The following TENM2 variants were observed in gnomAD, a reference collection of about 807,000 sequenced individuals.
The protein encoded by TENM2 is teneurin transmembrane protein 2.
A neutral mutation model predicts 245.2 loss-of-function variants in TENM2; 52 were observed. The ratio of observed to expected loss-of-function variants is 0.21; its 90% CI spans 0.17 to 0.27. TENM2 has a LOEUF of 0.27. Among genes scored for constraint, TENM2 ranks in the 10% least tolerant of loss-of-function variants. TENM2 has a pLI of 1.00. For missense variants in TENM2, 3,046 were observed against 3,666.8 expected (o/e 0.83, Z 4.37); for synonymous variants, 1,363 against 1,438.9 (o/e 0.95, Z 1.19).
rs575013539 is a variant in TENM2, at chr5:167,682,231, C to T, written c.503-193755C>T. 3.1e-4 allele frequency among the ~76,000 whole-genome samples: 47 copies of T among 151,556 alleles called. 1 individual carries two copies. In the South Asian group the frequency reaches 8.2e-3, roughly 26 times the overall value. On this transcript the variant is annotated intron_variant, in intron 2 of 28. Coordinates refer to ENST00000518659, the Ensembl canonical transcript of TENM2. The stretch of plus-strand genomic sequence containing the variant: ...AGGCTGGAGTGCGGTGGCATGATCT[C>T]GGCTCACTGCAACCTCCATCTCCCA...
intron 7 of TENM2, among the ~76,000 whole-genome samples, chr5:168,066,007 G>T (rs1041218992): frequency 6.6e-6 from 1 of 152,142 alleles, no homozygotes; most frequent in Non-Finnish European, 1.5e-5. Context: ...GTACCTAGTG[G>T]ATAGAGGCCA....
chr5:167,353,987 T>C lies in TENM2; in HGVS notation c.227-21211T>C, dbSNP rs878987078. Reference sequence around the variant, plus strand: ...AAATGTGTAGAAGAAAAATGGAAGATGAAGAAGAAAGAAACATAGAATAAA... The same window carrying C: ...AAATGTGTAGAAGAAAAATGGAAGACGAAGAAGAAAGAAACATAGAATAAA... On this transcript the variant is annotated intron_variant, in intron 1 of 28. Coordinates refer to ENST00000518659, the Ensembl canonical transcript of TENM2. Among the ~76,000 whole-genome samples the C allele has an allele frequency of 8.5e-5, 13 of 152,280 alleles. 1 individual carries two copies. Among genetic ancestry groups the C allele is most frequent in the Admixed American group, 4.6e-4 (7 of 15,298 alleles).
chr5:168,003,478 A>C (rs1159403079), intron 5 of TENM2, among the ~76,000 whole-genome samples: 1 of 152,216 alleles, frequency 6.6e-6, no homozygotes, highest in African/African-American at 2.4e-5. Flanking sequence ...AATTAGAAGC[A>C]TTAACTAGCA....
chr5:167,084,587 T>C, the TENM2 span, among the ~76,000 whole-genome samples: 46 of 151,872 alleles, frequency 3.0e-4, no homozygotes, highest in Admixed American at 2.8e-3. Context: ...CATGGTACAC[T>C]ATGTCATCAC....
Position 168,153,951 on chromosome 5 carries a change from C to T in TENM2, c.2423-8660C>T, listed in dbSNP as rs374334788. Among the ~76,000 whole-genome samples, 3 of 152,030 alleles carry T rather than the reference C, an allele frequency of 2.0e-5. No homozygotes were observed. The East Asian group carries it at 5.8e-4, about 30-fold the overall frequency. ...AACACGGTGCTATTCACCCCCATAACTCTCAAAGGTAATGTTCCAGGGAGA... is the reference window on the plus strand; with the variant it reads ...AACACGGTGCTATTCACCCCCATAATTCTCAAAGGTAATGTTCCAGGGAGA... On this transcript the variant is annotated intron_variant, in intron 12 of 28. Coordinates refer to ENST00000518659, the Ensembl canonical transcript of TENM2.
chr5:167,178,236 A>G, the TENM2 span, among the ~76,000 whole-genome samples: 4 of 152,214 alleles, frequency 2.6e-5, no homozygotes, highest in African/African-American at 9.6e-5. Context: ...TTCTGCATTT[A>G]TAGGCCTTCT....
At chr5:167,210,347 C>G in the TENM2 span, among the ~76,000 whole-genome samples, 1 of 152,042 alleles carries the variant, frequency 6.6e-6, no homozygotes, top group Non-Finnish European at 1.5e-5. Flanking sequence ...GCAAAGCAGT[C>G]CTAAATATTA....
intron 2 of TENM2, among the ~76,000 whole-genome samples, chr5:167,575,425 T>A (rs1262535206): frequency 1.5e-5 from 2 of 137,042 alleles, no homozygotes; most frequent in Non-Finnish European, 1.6e-5. Flanking sequence ...ATTTTATGTA[T>A]TTGTCTGGAG....
At chr5:168,225,625 G>C (rs749115327) in intron 23 of TENM2, among the ~76,000 whole-genome samples, 1 of 152,096 alleles carries the variant, frequency 6.6e-6, no homozygotes, top group African/African-American at 2.4e-5. Flanking sequence ...GCCAGGCATC[G>C]TGGTGCATGC....
At chr5:168,185,882 A>G (rs1327727524) in intron 13 of TENM2, among the ~76,000 whole-genome samples, 2 of 144,022 alleles carry the variant, frequency 1.4e-5, no homozygotes, top group East Asian at 4.0e-4. Flanking sequence ...TTATAGTTAT[A>G]GTTCATTGGA....
At chr5:167,290,769 CA>C (rs35347108) in intron 1 of TENM2, among the ~76,000 whole-genome samples, 32,648 of 122,214 alleles carry the variant, frequency 0.27, 4,170 homozygotes, top group East Asian at 0.43. Context: ...TTTTACAAGT[CA>C]AAAAAAAAAA....
chr5:167,005,051 G>A, the TENM2 span, among the ~76,000 whole-genome samples: 1 of 151,960 alleles, frequency 6.6e-6, no homozygotes, highest in Admixed American at 6.6e-5. Flanking sequence ...ATTAAACAAA[G>A]CAATATTTTT....
chr5:167,490,876 TAGTTA>T (rs1768389391), intron 2 of TENM2, among the ~76,000 whole-genome samples: 1 of 152,170 alleles, frequency 6.6e-6, no homozygotes, highest in Non-Finnish European at 1.5e-5. Flanking sequence ...CAAGGTAAGG[TAGTTA>T]AGTTCAGGAA....
chr5:167,692,976 G>A (rs1757527743), intron 2 of TENM2, among the ~76,000 whole-genome samples: 1 of 152,154 alleles, frequency 6.6e-6, no homozygotes, highest in African/African-American at 2.4e-5. Flanking sequence ...ACAACTGAGA[G>A]CCCGAGCTTT....
At chr5:167,999,555 A>G (rs983812232) in intron 5 of TENM2, among the ~76,000 whole-genome samples, 1 of 152,232 alleles carries the variant, frequency 6.6e-6, no homozygotes, top group African/African-American at 2.4e-5. Context: ...CTAGGTCTCC[A>G]TCACCTAGCG....
intron 5 of TENM2, among the ~76,000 whole-genome samples, chr5:168,006,384 T>A (rs937954476): frequency 5.9e-5 from 9 of 152,194 alleles, no homozygotes; most frequent in African/African-American, 2.2e-4. Context: ...CTGAAGGTTT[T>A]CCACATGTGC....
chr5:168,165,316 T>G (rs1400194061), intron 13 of TENM2: 5 of 152,288 alleles, frequency 3.3e-5, no homozygotes, highest in Non-Finnish European at 5.9e-5. Context: ...TCTGCCTCCC[T>G]GGCGATTTCA....
At chr5:167,207,057 A>G in the TENM2 span, among the ~76,000 whole-genome samples, 2 of 152,108 alleles carry the variant, frequency 1.3e-5, no homozygotes, top group Admixed American at 1.3e-4. Flanking sequence ...AACCCAAGGA[A>G]ATGGTTTTTG....
intron 6 of TENM2, among the ~76,000 whole-genome samples, chr5:168,057,091 A>G (rs566927858): frequency 2.0e-5 from 3 of 152,324 alleles, no homozygotes; most frequent in East Asian, 1.9e-4. Flanking sequence ...ATGTACATAT[A>G]TATGAGTAAA....
Sources: allele counts gnomAD v4.1 joint callset (sites outside exome capture counted in the v4.1 genomes callset), GRCh38; gene constraint gnomAD v4.1.1; transcripts MANE v1.5; gene names NCBI Gene and HGNC (gene_info 2026-07-23, HGNC 2026-07-21).